The following GRIK2 variants were observed in gnomAD, a reference collection of about 807,000 sequenced individuals.
GRIK2 encodes glutamate ionotropic receptor kainate type subunit 2, also known as glutamate receptor ionotropic, kainate 2.
GRIK2 carries 32 observed loss-of-function variants against 100.3 expected under a neutral mutation model. The ratio of observed to expected loss-of-function variants is 0.32; its 90% CI spans 0.24 to 0.43. The LOEUF is 0.43. Ranked by LOEUF, GRIK2 falls within the 20% of genes least tolerant of loss-of-function variation. The pLI is 1.00. For synonymous variants in GRIK2, 417 were observed against 389.4 expected (o/e 1.07, Z -0.83); for missense variants, 843 against 1,114.9 (o/e 0.76, Z 3.47).
At chr6:101,434,396 G>T (rs991317280) in intron 2 of GRIK2, among the ~76,000 whole-genome samples, 3 of 152,158 alleles carry the variant, frequency 2.0e-5, no homozygotes, top group Admixed American at 6.6e-5. Context: ...ATCTTCAATG[G>T]CAAAGTCTTG....
At chr6:101,513,922 A>G (rs956356371) in intron 2 of GRIK2, among the ~76,000 whole-genome samples, 1 of 152,156 alleles carries the variant, frequency 6.6e-6, no homozygotes, top group Non-Finnish European at 1.5e-5. Context: ...AAGTTAGTAC[A>G]ATAGGGAAAA....
At chr6:101,899,189 A>G (rs959979385) in intron 12 of GRIK2, among the ~76,000 whole-genome samples, 14 of 150,372 alleles carry the variant, frequency 9.3e-5, no homozygotes, top group African/African-American at 3.2e-4. Flanking sequence ...ATCTTGGTTG[A>G]TCTATTTCGT....
chr6:101,552,760 T>C (rs768856940), intron 2 of GRIK2, among the ~76,000 whole-genome samples: 4 of 152,178 alleles, frequency 2.6e-5, no homozygotes, highest in Non-Finnish European at 5.9e-5. Context: ...AGCATTCTAT[T>C]ATAAGCTTAT....
At chr6:101,881,470 TTATAATAA>T (rs1408264749) in intron 11 of GRIK2, among the ~76,000 whole-genome samples, 3 of 151,856 alleles carry the variant, frequency 2.0e-5, no homozygotes, top group Admixed American at 1.3e-4. Context: ...GTAATATCTA[TTATAATAA>T]TAGAAATAAT....
chr6:101,422,846 T>C (rs1434705716), intron 2 of GRIK2, among the ~76,000 whole-genome samples: 1 of 152,200 alleles, frequency 6.6e-6, no homozygotes, highest in African/African-American at 2.4e-5. Flanking sequence ...ATTATGTGAA[T>C]ACATATGTGG....
At chr6:101,524,792 C>T (rs1775067703) in intron 2 of GRIK2, among the ~76,000 whole-genome samples, 1 of 149,648 alleles carries the variant, frequency 6.7e-6, no homozygotes, top group South Asian at 2.1e-4. Context: ...AGTGCAATGG[C>T]GTGATCTTGG....
intron 2 of GRIK2, among the ~76,000 whole-genome samples, chr6:101,571,858 A>G (rs992334736): frequency 2.0e-5 from 3 of 152,154 alleles, no homozygotes; most frequent in Admixed American, 2.0e-4. Flanking sequence ...GGACATCTAT[A>G]CATAACCATG....
chr6:101,757,634 C>T (rs546579180), intron 7 of GRIK2, among the ~76,000 whole-genome samples: 1 of 152,236 alleles, frequency 6.6e-6, no homozygotes, highest in Admixed American at 6.5e-5. Flanking sequence ...AGTCCAGCTT[C>T]AAACAATAAA....
rs1408125524 is a variant in GRIK2, at chr6:102,055,318, C to T, written c.2312-12C>T. On this transcript the variant is annotated splice_polypyrimidine_tract_variant and intron_variant, in intron 15 of 16. Transcript: ENST00000369134. Reference sequence around the variant, plus strand: ...TTCCTTGAAATACTTAACATAACCTCTCCTTTCTTAGGTTCTCCATATCGA... The same window carrying T: ...TTCCTTGAAATACTTAACATAACCTTTCCTTTCTTAGGTTCTCCATATCGA... The T allele has an allele frequency of 3.1e-6, 5 of 1,599,400 alleles. No homozygotes were observed. The highest frequency in any genetic ancestry group is 2.2e-5 in the South Asian group (2 of 90,272).
At chr6:101,928,186 A>G (rs2791801) in intron 13 of GRIK2, 451,162 of 528,496 alleles carry the variant, frequency 0.85, 192,956 homozygotes, top group East Asian at 0.91. Flanking sequence ...CAGGTAGAAC[A>G]TGAGTCTCCT....
At chr6:101,541,382 A>C (rs1430505751) in intron 2 of GRIK2, among the ~76,000 whole-genome samples, 4 of 7,512 alleles carry the variant, frequency 5.3e-4, no homozygotes, top group Non-Finnish European at 1.4e-3. Flanking sequence ...ACAACCACAC[A>C]CACACACACA....
intron 2 of GRIK2, among the ~76,000 whole-genome samples, chr6:101,474,521 T>C (rs180687814): frequency 6.6e-6 from 1 of 152,002 alleles, no homozygotes; most frequent in Admixed American, 6.6e-5. Flanking sequence ...TTATGAGAAG[T>C]TCAGGCTTGA....
In GRIK2 at chr6:101,732,961, G is replaced by A. The variant is rs115574998; in HGVS notation, c.951+46608G>A. Among the ~76,000 whole-genome samples, 847 of 152,130 alleles carry A rather than the reference G, an allele frequency of 5.6e-3. 9 individuals carry two copies. Among genetic ancestry groups the A allele is most frequent in the African/African-American group, 0.02 (813 of 41,504 alleles). Reference sequence around the variant, plus strand: ...TGAGGATAATAATCCTATCATGAGAGTCCCACTCTCAGGATCATATATAAT... The same window carrying A: ...TGAGGATAATAATCCTATCATGAGAATCCCACTCTCAGGATCATATATAAT... On this transcript the variant is annotated intron_variant, in intron 7 of 16. Transcript: ENST00000369134.
At chr6:101,869,490 C>G (rs907232275) in intron 11 of GRIK2, among the ~76,000 whole-genome samples, 6 of 151,738 alleles carry the variant, frequency 4.0e-5, no homozygotes, top group African/African-American at 1.2e-4. Flanking sequence ...ATTCAGTTTG[C>G]AAAAGATATG....
intron 2 of GRIK2, among the ~76,000 whole-genome samples, chr6:101,566,223 AAATG>A (rs910004047): frequency 5.3e-5 from 8 of 151,888 alleles, no homozygotes; most frequent in Admixed American, 6.6e-5. Context: ...CTGTCTTCTT[AAATG>A]AAGCCAATTT....
At chr6:101,427,476 C>G (rs1303850109) in intron 2 of GRIK2, among the ~76,000 whole-genome samples, 1 of 152,134 alleles carries the variant, frequency 6.6e-6, no homozygotes, top group Non-Finnish European at 1.5e-5. Flanking sequence ...AAGGCAGGGA[C>G]TATATACTTT....
At chr6:101,579,637 G>A (rs989252811) in intron 2 of GRIK2, among the ~76,000 whole-genome samples, 2 of 151,984 alleles carry the variant, frequency 1.3e-5, no homozygotes, top group African/African-American at 4.8e-5. Context: ...TGGATCACAA[G>A]GTCAAGAGAT....
chr6:101,885,551 G>A (rs949669394), intron 11 of GRIK2, among the ~76,000 whole-genome samples: 3 of 151,938 alleles, frequency 2.0e-5, no homozygotes, highest in African/African-American at 7.2e-5. Context: ...TATCAATAGA[G>A]GTGAAAATCT....
At chr6:101,637,717 A>G (rs972324415) in intron 4 of GRIK2, among the ~76,000 whole-genome samples, 3 of 152,184 alleles carry the variant, frequency 2.0e-5, no homozygotes, top group African/African-American at 2.4e-5. Context: ...GTTCCTCGGC[A>G]TGACACATAC....
Sources: gnomAD v4.1 joint callset for allele counts (sites outside exome capture counted in the v4.1 genomes callset) on GRCh38, gnomAD v4.1.1 for gene constraint, MANE v1.5 for transcripts, NCBI Gene and HGNC (gene_info 2026-07-23, HGNC 2026-07-21) for gene names.